KCTD8: variants seen among roughly 807,000 people sequenced by gnomAD.
The protein encoded by KCTD8 is potassium channel tetramerization domain containing 8, also known as BTB/POZ domain-containing protein KCTD8.
In KCTD8, 27 loss-of-function variants were observed where a neutral mutation model predicts 31.5. The ratio of observed to expected loss-of-function variants is 0.86; its 90% CI spans 0.63 to 1.18. The LOEUF (loss-of-function observed/expected upper bound fraction) is 1.18. Ranked by LOEUF, KCTD8 falls within the 50% of genes most tolerant of loss-of-function variation. The probability of loss-of-function intolerance (pLI) is 0.00; values close to 1 mark genes in which losing one functional copy is unlikely to be tolerated. For missense variants in KCTD8, 658 were observed against 647.7 expected, an observed-to-expected ratio of 1.02 and a Z score of -0.17; for synonymous variants, 290 against 280.0, an observed-to-expected ratio of 1.04 and a Z score of -0.36.
At chr4:44,266,180 C>G (rs1203981910) in intron 1 of KCTD8, among the ~76,000 whole-genome samples, 1 of 152,156 alleles carries the variant, frequency 6.6e-6, no homozygotes, top group Non-Finnish European at 1.5e-5. Flanking sequence ...GCCCATCAGA[C>G]TAACAGCGGA....
At chr4:44,346,074 C>T (rs1327629121) in intron 1 of KCTD8, among the ~76,000 whole-genome samples, 1 of 152,116 alleles carries the variant, frequency 6.6e-6, no homozygotes, top group African/African-American at 2.4e-5. Context: ...CTTAAAGAAA[C>T]AGTATGAATA....
At chr4:44,232,263 C>T (rs899426248) in intron 1 of KCTD8, among the ~76,000 whole-genome samples, 1 of 152,144 alleles carries the variant, frequency 6.6e-6, no homozygotes, top group African/African-American at 2.4e-5. Context: ...CTCAAACTCT[C>T]TTAATGGTTA....
intron 1 of KCTD8, among the ~76,000 whole-genome samples, chr4:44,374,586 C>T (rs12506197): frequency 0.82 from 123,978 of 152,072 alleles, 50,790 homozygotes; most frequent in South Asian, 0.89. Context: ...GGTTTTGACA[C>T]GCCTTCCTCA....
At chr4:44,208,281 T>C (rs1048811333) in intron 1 of KCTD8, among the ~76,000 whole-genome samples, 50 of 152,270 alleles carry the variant, frequency 3.3e-4, no homozygotes, top group African/African-American at 1.1e-3. Flanking sequence ...ACTGAGTCAA[T>C]ACCAATTGGT....
At chr4:44,347,669 A>G (rs572607878) in intron 1 of KCTD8, among the ~76,000 whole-genome samples, 53 of 152,322 alleles carry the variant, frequency 3.5e-4, no homozygotes, top group African/African-American at 1.3e-3. Context: ...AATATAACTA[A>G]TGAGAAAATT....
chr4:44,306,255 C>T (rs931102390), intron 1 of KCTD8, among the ~76,000 whole-genome samples: 2 of 151,908 alleles, frequency 1.3e-5, no homozygotes, highest in African/African-American at 4.8e-5. Flanking sequence ...TTGATGATTG[C>T]TATATCTCTA....
chr4:44,181,683 G>A (rs558117653), intron 1 of KCTD8, among the ~76,000 whole-genome samples: 4 of 152,292 alleles, frequency 2.6e-5, no homozygotes, highest in Non-Finnish European at 4.4e-5. Context: ...TCTGGGAAGT[G>A]AGGACCCTCT....
At chr4:44,433,841 G>T (rs1374449640) in intron 1 of KCTD8, among the ~76,000 whole-genome samples, 1 of 151,542 alleles carries the variant, frequency 6.6e-6, no homozygotes, top group Admixed American at 6.6e-5. Context: ...ACTAGAATTT[G>T]TCCCTTACTC....
intron 1 of KCTD8, among the ~76,000 whole-genome samples, chr4:44,227,251 T>G (rs917249626): frequency 2.0e-5 from 3 of 152,220 alleles, no homozygotes; most frequent in Non-Finnish European, 4.4e-5. Flanking sequence ...TTCTGTTTTC[T>G]GCATATGGCT....
At chr4:44,416,506 G>C (rs186626932) in intron 1 of KCTD8, among the ~76,000 whole-genome samples, 1 of 152,142 alleles carries the variant, frequency 6.6e-6, no homozygotes, top group Non-Finnish European at 1.5e-5. Context: ...TGTTGGAGGC[G>C]GGACCTAGTG....
chr4:44,376,328 A>G (rs1197869619), intron 1 of KCTD8, among the ~76,000 whole-genome samples: 1 of 152,074 alleles, frequency 6.6e-6, no homozygotes, highest in Non-Finnish European at 1.5e-5. Flanking sequence ...CCAAATGGTA[A>G]ATGTACTCAG....
At chr4:44,230,176 T>C (rs1032889618) in intron 1 of KCTD8, among the ~76,000 whole-genome samples, 2 of 152,194 alleles carry the variant, frequency 1.3e-5, no homozygotes, top group African/African-American at 2.4e-5. Context: ...CGCTGGTAAC[T>C]TGGATACTTT....
chr4:44,357,590 C>T (rs1719376758), intron 1 of KCTD8, among the ~76,000 whole-genome samples: 1 of 152,094 alleles, frequency 6.6e-6, no homozygotes, highest in Admixed American at 6.5e-5. Context: ...CAAAAGGGAA[C>T]ATAGAATATT....
Position 44,330,732 on chromosome 4 carries a change from G to T in KCTD8, c.961+116831C>A, listed in dbSNP as rs549058854. Among the ~76,000 whole-genome samples, 6 of 151,962 alleles carry T rather than the reference G, an allele frequency of 3.9e-5. No homozygotes were observed. The East Asian group carries it at 1.2e-3, about 29-fold the overall frequency. ...AAGGTTGCTATAAAAATTAAATGAA[G>T]TACTATATGTAAAGCTCAAAGCAGA... On this transcript the variant is annotated intron_variant, in intron 1 of 1. Transcript: ENST00000360029.
rs142003669 is a variant in KCTD8, at chr4:44,209,497, TACAC to T, written c.962-34251_962-34248del. 2.7e-5 allele frequency among the ~76,000 whole-genome samples: 4 copies of T among 149,208 alleles called. No individual in the cohort carries two copies. In the East Asian group the frequency reaches 7.9e-4, roughly 29 times the overall value. ...ATGAAGGTAGATATAGCTACACACA[TACAC>T]ACACACACACACTCTCACACACACA... On this transcript the variant is annotated intron_variant, in intron 1 of 1. Coordinates refer to ENST00000360029, the MANE Select transcript of KCTD8 (RefSeq NM_198353.3).
chr4:44,434,238 T>C (rs977801970), intron 1 of KCTD8, among the ~76,000 whole-genome samples: 1 of 151,904 alleles, frequency 6.6e-6, no homozygotes, highest in African/African-American at 2.4e-5. Context: ...TCAAGGCAAT[T>C]ACCTCCTTCT....
chr4:44,236,071 T>C (rs1477168930), intron 1 of KCTD8, among the ~76,000 whole-genome samples: 1 of 152,084 alleles, frequency 6.6e-6, no homozygotes, highest in Non-Finnish European at 1.5e-5. Context: ...TACCCTGACT[T>C]GGAGAGAGTG....
chr4:44,191,767 C>T (rs886258405), intron 1 of KCTD8, among the ~76,000 whole-genome samples: 1 of 152,164 alleles, frequency 6.6e-6, no homozygotes, highest in Non-Finnish European at 1.5e-5. Context: ...TTTATCAAGA[C>T]AATATGTGCA....
intron 1 of KCTD8, among the ~76,000 whole-genome samples, chr4:44,193,119 T>C (rs1713815597): frequency 6.6e-6 from 1 of 152,158 alleles, no homozygotes; most frequent in African/African-American, 2.4e-5. Flanking sequence ...GATAATAAGC[T>C]GAGATAAACA....
Sources: gnomAD v4.1 joint callset for allele counts (sites outside exome capture counted in the v4.1 genomes callset) on GRCh38, gnomAD v4.1.1 for gene constraint, MANE v1.5 for transcripts, NCBI Gene and HGNC (gene_info 2026-07-23, HGNC 2026-07-21) for gene names.